SLC35F2: variants seen among roughly 807,000 people sequenced by gnomAD.
The protein encoded by SLC35F2 is queuine/queuosine transporter SLC35F2.
Under a neutral mutation model 38.1 loss-of-function variants are expected in SLC35F2, and 25 were observed. That is an observed-to-expected ratio of 0.66 (90% CI 0.48 to 0.92). The LOEUF (loss-of-function observed/expected upper bound fraction) is 0.92. SLC35F2 is among the 40% of genes least tolerant of loss of function. The probability of loss-of-function intolerance (pLI) is 0.00; values close to 1 mark genes in which losing one functional copy is unlikely to be tolerated. For synonymous variants in SLC35F2, 173 were observed against 181.7 expected, an observed-to-expected ratio of 0.95 and a Z score of 0.38; for missense variants, 409 against 452.9, an observed-to-expected ratio of 0.90 and a Z score of 0.88.
rs116193664 is a variant in SLC35F2 at position 107,792,728 on chromosome 11, G to A, written c.1012C>T (p.Arg338Cys). Reference protein sequence around the residue: ...GFILYCSTPTRTAEPAESSVP... With the variant: ...GFILYCSTPTCTAEPAESSVP... ...CTGCTTTCAGCCGGCTCGGCCGTGC[G>A]AGTAGGGGTGGAGCAGTACAGGATA... The change falls in exon 8 of 8, where the codon CGC becomes TGC. Residue 338 changes from arginine to cysteine, a missense_variant. By Grantham distance (180) the Arg-to-Cys change is radical. Transcript: ENST00000525815. The A allele has an allele frequency of 8.4e-5, 135 of 1,613,938 alleles. No homozygotes were observed. In the African/African-American group the frequency reaches 1.5e-3, roughly 18 times the overall value.
At position 107,841,892 on chromosome 11, in the gene SLC35F2, G is replaced by A. The variant is rs139061951; in HGVS notation, c.110+16766C>T. ...AGTCTGGCCAACATAGTGAAACCCC[G>A]TTTCTACTAAAAATACACAAAAGAT... On this transcript the variant is annotated intron_variant, in intron 1 of 7. Coordinates refer to ENST00000525815, the MANE Select transcript of SLC35F2 (RefSeq NM_017515.5). Among the ~76,000 whole-genome samples, 20 of 151,776 alleles carry A rather than the reference G, an allele frequency of 1.3e-4. No individual in the cohort carries two copies. The South Asian group carries it at 2.9e-3, about 22-fold the overall frequency.
intron 1 of SLC35F2, among the ~76,000 whole-genome samples, chr11:107,853,877 C>T (rs1041189841): frequency 6.6e-6 from 1 of 151,608 alleles, no homozygotes; most frequent in African/African-American, 2.4e-5. Context: ...AAGGTTTTTG[C>T]TAGAGATATA....
At chr11:107,853,361 G>A (rs1025738144) in intron 1 of SLC35F2, among the ~76,000 whole-genome samples, 12 of 152,064 alleles carry the variant, frequency 7.9e-5, no homozygotes, top group Admixed American at 2.6e-4. Flanking sequence ...AGTCCTATTC[G>A]TTATGGCCAA....
intron 1 of SLC35F2, among the ~76,000 whole-genome samples, chr11:107,853,738 A>G (rs563802012): frequency 1.4e-4 from 21 of 149,414 alleles, no homozygotes; most frequent in East Asian, 3.9e-4. Context: ...AAAAAAAAAA[A>G]AAAGAAAGAA....
intron 2 of SLC35F2, among the ~76,000 whole-genome samples, chr11:107,814,691 A>C (rs991335658): frequency 6.6e-6 from 1 of 152,306 alleles, no homozygotes; most frequent in Middle Eastern, 3.4e-3. Flanking sequence ...GGCTGGGCCC[A>C]GTGGCTCACA....
chr11:107,853,450 G>A (rs1860220813), intron 1 of SLC35F2, among the ~76,000 whole-genome samples: 1 of 152,118 alleles, frequency 6.6e-6, no homozygotes, highest in Admixed American at 6.6e-5. Flanking sequence ...CGGGCGCGGT[G>A]GCTCACGCCT....
At chr11:107,832,451 G>A (rs1859859566) in intron 1 of SLC35F2, among the ~76,000 whole-genome samples, 2 of 152,158 alleles carry the variant, frequency 1.3e-5, no homozygotes, top group South Asian at 4.1e-4. Flanking sequence ...GGGTGGGATT[G>A]TGGAAATTTT....
At chr11:107,842,091 T>C (rs1860020447) in intron 1 of SLC35F2, among the ~76,000 whole-genome samples, 1 of 144,846 alleles carries the variant, frequency 6.9e-6, no homozygotes, top group African/African-American at 2.5e-5. Flanking sequence ...TAAAGAAAAA[T>C]AAAAAATAAA....
chr11:107,821,357 A>T, intron 1 of SLC35F2: 2 of 952,354 alleles, frequency 2.1e-6, no homozygotes, highest in Non-Finnish European at 2.5e-6. Context: ...TCACAAATTG[A>T]GTATGGAGAT....
chr11:107,823,170 G>A, intron 1 of SLC35F2: 1 of 985,312 alleles, frequency 1.0e-6, no homozygotes, highest in Non-Finnish European at 1.2e-6. Context: ...TTCTCAGAGG[G>A]TAGATTCCAA....
intron 1 of SLC35F2, among the ~76,000 whole-genome samples, chr11:107,829,762 T>C (rs1428692473): frequency 6.6e-6 from 1 of 151,418 alleles, no homozygotes; most frequent in Non-Finnish European, 1.5e-5. Flanking sequence ...TCTATGAACT[T>C]CAGTAGAAAA....
At chr11:107,829,526 C>T (rs925630590) in intron 1 of SLC35F2, among the ~76,000 whole-genome samples, 1 of 152,086 alleles carries the variant, frequency 6.6e-6, no homozygotes, top group Admixed American at 6.6e-5. Flanking sequence ...CAAACAGATG[C>T]AGCTGCTCAA....
intron 1 of SLC35F2, among the ~76,000 whole-genome samples, chr11:107,844,393 C>T (rs867918804): frequency 7.9e-5 from 12 of 151,974 alleles, no homozygotes; most frequent in East Asian, 1.9e-4. Flanking sequence ...TTTGGGAGGC[C>T]GAGGCAGACG....
At chr11:107,795,532 ACCT>A (rs1859204217) in intron 7 of SLC35F2, among the ~76,000 whole-genome samples, 1 of 152,232 alleles carries the variant, frequency 6.6e-6, no homozygotes, top group Non-Finnish European at 1.5e-5. Flanking sequence ...TGAAAAGATA[ACCT>A]CCTGAATGGG....
intron 1 of SLC35F2, among the ~76,000 whole-genome samples, chr11:107,855,760 T>C (rs1860267756): frequency 6.6e-6 from 1 of 150,828 alleles, no homozygotes; most frequent in Non-Finnish European, 1.5e-5. Flanking sequence ...TTTAGGAGGC[T>C]ACTAGACTGA....
intron 1 of SLC35F2, among the ~76,000 whole-genome samples, chr11:107,843,855 AAAAAAAAAAAAAAATATATATAT>A (rs1259753370): frequency 1.8e-3 from 67 of 37,154 alleles, no homozygotes; most frequent in Non-Finnish European, 2.7e-3. Context: ...TTAAAAAAAA[AAAAAAAAAAAAAAATATATATAT>A]ATATATATAT....
At chr11:107,818,072 A>AAATG in intron 1 of SLC35F2, among the ~76,000 whole-genome samples, 1 of 68,482 alleles carries the variant, frequency 1.5e-5, no homozygotes, top group Non-Finnish European at 2.6e-5. Context: ...AAAAAAAAAA[A>AAATG]AAAGAAAGAA....
intron 1 of SLC35F2, among the ~76,000 whole-genome samples, chr11:107,844,535 T>C (rs1215670032): frequency 7.4e-6 from 1 of 135,362 alleles, no homozygotes; most frequent in South Asian, 2.3e-4. Flanking sequence ...GGAAGCAGAA[T>C]CGCTTGAACC....
intron 1 of SLC35F2, among the ~76,000 whole-genome samples, chr11:107,849,830 G>C (rs1259558806): frequency 6.6e-6 from 1 of 152,160 alleles, no homozygotes; most frequent in African/African-American, 2.4e-5. Context: ...GGAGACTACA[G>C]CCTGGGGCAG....
Sources: allele counts gnomAD v4.1 joint callset (sites outside exome capture counted in the v4.1 genomes callset), GRCh38; gene constraint gnomAD v4.1.1; transcripts MANE v1.5; gene names NCBI Gene and HGNC (gene_info 2026-07-23, HGNC 2026-07-21).